PCDH9: variants seen among roughly 807,000 people sequenced by gnomAD.
PCDH9 encodes the protein protocadherin 9, also known as protocadherin-9.
A neutral mutation model predicts 70.6 loss-of-function variants in PCDH9; 24 were observed. The observed-to-expected ratio is 0.34, with a 90% confidence interval of 0.25 to 0.48. The LOEUF (loss-of-function observed/expected upper bound fraction) is 0.48, where lower values mean the gene tolerates loss of function less well. Ranked by LOEUF, PCDH9 falls within the 20% of genes least tolerant of loss-of-function variation. The pLI, the probability that PCDH9 is intolerant of heterozygous loss-of-function variation, is 0.99. For synonymous variants in PCDH9, 562 were observed against 558.5 expected (o/e 1.01, Z -0.09); for missense variants, 1,281 against 1,503.6 (o/e 0.85, Z 2.45).
At chr13:66,616,718 AG>A (rs1818736463) in intron 4 of PCDH9, among the ~76,000 whole-genome samples, 1 of 152,204 alleles carries the variant, frequency 6.6e-6, no homozygotes, top group Admixed American at 6.5e-5. Context: ...AGCTAACCAA[AG>A]CCAAGCACCA....
At chr13:66,779,795 TG>T (rs1364240627) in intron 3 of PCDH9, among the ~76,000 whole-genome samples, 1 of 147,714 alleles carries the variant, frequency 6.8e-6, no homozygotes, top group Non-Finnish European at 1.5e-5. Context: ...TACTCCAGCC[TG>T]GCAACAGAGC....
At chr13:66,311,170 A>G (rs1472771762) in intron 4 of PCDH9, among the ~76,000 whole-genome samples, 3 of 152,068 alleles carry the variant, frequency 2.0e-5, no homozygotes, top group African/African-American at 7.2e-5. Flanking sequence ...ATGCTCAGCA[A>G]AATCTTAATC....
intron 2 of PCDH9, among the ~76,000 whole-genome samples, chr13:67,046,759 A>C (rs910117236): frequency 2.0e-5 from 3 of 152,058 alleles, no homozygotes; most frequent in Admixed American, 6.6e-5. Context: ...TAGAAAAAAC[A>C]CACTAAGAAA....
rs149158184 is a variant in PCDH9, at chr13:66,304,742, G to A, written c.3627C>T (p.Ser1209=). 1 of 1,612,984 alleles carries A rather than the reference G, an allele frequency of 6.2e-7. No individual in the cohort carries two copies. Among genetic ancestry groups the A allele is most frequent in the South Asian group, 1.1e-5 (1 of 91,036 alleles). ...GSNEGHFNNG[S]HMTDIPLANL... is the part of the protein sequence containing the mutation. Reference sequence around the variant, plus strand: ...TTGCCAGAGGAATGTCTGTCATGTGGCTGCCATTGTTGAAATGGCCTTCAT... The same window carrying A: ...TTGCCAGAGGAATGTCTGTCATGTGACTGCCATTGTTGAAATGGCCTTCAT... Residue 1209 remains serine, a synonymous_variant, in exon 5 of 5, where the codon AGC becomes AGT. Transcript: ENST00000377865.
At chr13:66,783,158 C>T (rs2080026376) in intron 3 of PCDH9, among the ~76,000 whole-genome samples, 1 of 152,028 alleles carries the variant, frequency 6.6e-6, no homozygotes, top group African/African-American at 2.4e-5. Context: ...TAGTCCTTGT[C>T]CCTCTCAGCT....
At chr13:66,769,917 C>T (rs1201607097) in intron 3 of PCDH9, among the ~76,000 whole-genome samples, 1 of 151,864 alleles carries the variant, frequency 6.6e-6, no homozygotes, top group Non-Finnish European at 1.5e-5. Context: ...AGGGGCAAGG[C>T]AGGAGGGGAT....
chr13:67,058,569 C>T (rs141356816), intron 2 of PCDH9, among the ~76,000 whole-genome samples: 86 of 152,222 alleles, frequency 5.6e-4, no homozygotes, highest in African/African-American at 1.8e-3. Context: ...CTTTTCCTCC[C>T]GCCACAAAAG....
chr13:66,954,360 G>A (rs1024315706), intron 2 of PCDH9, among the ~76,000 whole-genome samples: 1 of 152,098 alleles, frequency 6.6e-6, no homozygotes, highest in Non-Finnish European at 1.5e-5. Context: ...CTGGTAATCA[G>A]AGAGATTAAG....
intron 4 of PCDH9, among the ~76,000 whole-genome samples, chr13:66,591,570 A>T (rs1199460426): frequency 6.6e-6 from 1 of 151,666 alleles, no homozygotes; most frequent in African/African-American, 2.4e-5. Context: ...AACAGAAATC[A>T]ATTAGCATGT....
intron 2 of PCDH9, among the ~76,000 whole-genome samples, chr13:66,973,482 G>T (rs368967104): frequency 4.3e-4 from 66 of 152,048 alleles, no homozygotes; most frequent in African/African-American, 1.5e-3. Flanking sequence ...ACCAATATTG[G>T]AGGTCCTCAA....
intron 4 of PCDH9, among the ~76,000 whole-genome samples, chr13:66,416,286 T>C (rs537304920): frequency 4.0e-5 from 6 of 150,450 alleles, no homozygotes; most frequent in Middle Eastern, 6.8e-3. Flanking sequence ...AGGAATATAG[T>C]GTATATCATT....
At chr13:66,897,282 G>A (rs2139583079) in intron 3 of PCDH9, among the ~76,000 whole-genome samples, 1 of 152,046 alleles carries the variant, frequency 6.6e-6, no homozygotes, top group Non-Finnish European at 1.5e-5. Flanking sequence ...GAAGAAAGGA[G>A]AGACAGATTA....
intron 4 of PCDH9, among the ~76,000 whole-genome samples, chr13:66,308,478 T>C (rs1325159351): frequency 1.3e-5 from 2 of 152,040 alleles, no homozygotes; most frequent in African/African-American, 4.8e-5. Flanking sequence ...ATTTTAAAGA[T>C]CCATCCTCAG....
chr13:67,180,812 T>C (rs887700510), intron 2 of PCDH9, among the ~76,000 whole-genome samples: 1 of 152,150 alleles, frequency 6.6e-6, no homozygotes, highest in Non-Finnish European at 1.5e-5. Context: ...CTTTGGCTTG[T>C]CTTGTTGAAT....
intron 2 of PCDH9, among the ~76,000 whole-genome samples, chr13:67,070,920 G>T (rs1340435873): frequency 1.3e-5 from 2 of 152,098 alleles, no homozygotes; most frequent in East Asian, 3.9e-4. Flanking sequence ...GTCTGGAGCA[G>T]TTGTCTGTAT....
At chr13:67,161,892 T>G (rs2087972894) in intron 2 of PCDH9, among the ~76,000 whole-genome samples, 1 of 152,178 alleles carries the variant, frequency 6.6e-6, no homozygotes, top group Admixed American at 6.5e-5. Context: ...AATATAGAGT[T>G]TCAGCCTTCT....
chr13:67,124,352 G>A (rs1279752578), intron 2 of PCDH9, among the ~76,000 whole-genome samples: 1 of 152,108 alleles, frequency 6.6e-6, no homozygotes. Context: ...ATATTTATTT[G>A]AAGAATTTAA....
rs547581555 is a variant in PCDH9, at chr13:66,467,646, G to T, written c.3341-162618C>A. The stretch of plus-strand genomic sequence containing the variant: ...CTGGAGTCTCTAACTTCAGAACTTT[G>T]TTTCAGCAATTATCCCACAGTCCAG... On this transcript the variant is annotated intron_variant, in intron 4 of 4. Coordinates refer to ENST00000377865, the MANE Select transcript of PCDH9 (RefSeq NM_203487.3). Among the ~76,000 whole-genome samples the T allele has an allele frequency of 1.1e-4, 16 of 151,852 alleles. No homozygotes were observed. The South Asian group carries it at 3.1e-3, about 30-fold the overall frequency.
intron 2 of PCDH9, among the ~76,000 whole-genome samples, chr13:67,109,428 T>G (rs1341807807): frequency 6.6e-6 from 1 of 152,212 alleles, no homozygotes; most frequent in Non-Finnish European, 1.5e-5. Flanking sequence ...TTTGGCATAT[T>G]TCATTCTTTA....
Sources: allele counts gnomAD v4.1 joint callset (sites outside exome capture counted in the v4.1 genomes callset), GRCh38; gene constraint gnomAD v4.1.1; transcripts MANE v1.5; gene names NCBI Gene and HGNC (gene_info 2026-07-23, HGNC 2026-07-21).